RP1: variants seen among roughly 807,000 people sequenced by gnomAD.
RP1 encodes the protein oxygen-regulated protein 1.
In RP1, 16 loss-of-function variants were observed where a neutral mutation model predicts 14.8. The ratio of observed to expected loss-of-function variants is 1.08; its 90% CI spans 0.73 to 1.65. RP1 has a LOEUF of 1.65. RP1 is among the 40% of genes most tolerant of loss of function. The pLI is 0.00. For synonymous variants in RP1, 876 were observed against 883.6 expected (o/e 0.99, Z 0.15); for missense variants, 2,631 against 2,535.0 (o/e 1.04, Z -0.81).
chr8:54,613,149 TG>T (rs774119359), upstream of RP1, among the ~76,000 whole-genome samples: 14 of 152,164 alleles, frequency 9.2e-5, no homozygotes, highest in Non-Finnish European at 1.8e-4. Flanking sequence ...GGAAGGGGAA[TG>T]GGTTTTTACA....
intron 23 of RP1, among the ~76,000 whole-genome samples, chr8:54,783,193 A>T (rs1810231597): frequency 6.6e-6 from 1 of 152,126 alleles, no homozygotes; most frequent in African/African-American, 2.4e-5. Context: ...GGTTATCAGG[A>T]TGCCTGTCAT....
downstream of RP1, among the ~76,000 whole-genome samples, chr8:54,633,264 C>G (rs2129319796): frequency 6.6e-6 from 1 of 152,220 alleles, no homozygotes; most frequent in Non-Finnish European, 1.5e-5. Context: ...TGCCAGCTGT[C>G]AAGAATCATC....
chr8:54,870,356 T>C (rs981058876), exon 29 of RP1: 1 of 155,264 alleles, frequency 6.4e-6, no homozygotes, highest in Admixed American at 6.5e-5. Context: ...CCTAATAACA[T>C]TTGATGCATG....
rs564383333 is a variant in RP1, at chr8:54,819,940, AGATCCGCGGT to A, written c.3616-17507_3616-17498del. Among the ~76,000 whole-genome samples the A allele has an allele frequency of 3.2e-3, 492 of 152,198 alleles. 2 individuals carry two copies. The highest frequency in any genetic ancestry group is 0.011 in the African/African-American group (470 of 41,514). On this transcript the variant is annotated intron_variant, in intron 24 of 28. Transcript: ENST00000637698. ...TTGATATAGTACTGGGTCTCACGCA[AGATCCGCGGT>A]GACTACTGCCCGAGTACCACTGATT...
intron 24 of RP1, among the ~76,000 whole-genome samples, chr8:54,827,697 A>G (rs1051790608): frequency 2.0e-5 from 3 of 152,182 alleles, no homozygotes; most frequent in African/African-American, 7.2e-5. Flanking sequence ...CAGGAGTTCC[A>G]GACCAGCCTG....
chr8:54,637,999 T>G (rs2129321387), intron 3 of RP1, among the ~76,000 whole-genome samples: 1 of 152,268 alleles, frequency 6.6e-6, no homozygotes, highest in South Asian at 2.1e-4. Context: ...CGTGAACTGC[T>G]TCAATCCAGG....
chr8:54,681,148 CTGT>C (rs1371404348), intron 12 of RP1, among the ~76,000 whole-genome samples: 4 of 152,152 alleles, frequency 2.6e-5, no homozygotes, highest in African/African-American at 4.8e-5. Context: ...TCTGCTGCCA[CTGT>C]TGTTATTCTT....
downstream of RP1, among the ~76,000 whole-genome samples, chr8:54,773,030 C>T (rs1809947220): frequency 6.6e-6 from 1 of 152,046 alleles, no homozygotes; most frequent in African/African-American, 2.4e-5. Context: ...TTATTTGGAG[C>T]CCAACTTTTC....
At chr8:54,562,346 G>A (rs150021626) in intron 1 of RP1, among the ~76,000 whole-genome samples, 106 of 152,318 alleles carry the variant, frequency 7.0e-4, no homozygotes, top group African/African-American at 2.3e-3. Context: ...GCCTGAGGCT[G>A]TAATAACATT....
In RP1 at chr8:54,627,849, T is replaced by G; in HGVS notation, c.3967T>G (p.Tyr1323Asp). 6.2e-7 allele frequency: 1 copy of G among 1,614,160 alleles called. No homozygotes were observed. Among genetic ancestry groups the G allele is most frequent in the Non-Finnish European group, 8.5e-7 (1 of 1,179,974 alleles). ...TTGTGCTCAAAAGGAGAACCATACC[T>G]ATGAGGGAGCTTGCCCAATTGATGA... The part of the protein sequence containing the change: ...KACAQKENHT[Y>D]EGACPIDETY... The change falls in exon 4 of 4, where the codon TAT becomes GAT. Residue 1323 changes from tyrosine to aspartate, a missense_variant. Tyr to Asp is a radical substitution (Grantham distance 160, BLOSUM62 -3). Coordinates refer to ENST00000220676, the MANE Select transcript of RP1 (RefSeq NM_006269.2).
At chr8:54,807,668 A>C (rs1265874480) in intron 24 of RP1, among the ~76,000 whole-genome samples, 4 of 54,286 alleles carry the variant, frequency 7.4e-5, no homozygotes, top group African/African-American at 1.7e-4. Flanking sequence ...CTATCTATCT[A>C]TCTATCTATT....
rs1194832640 is a variant in RP1, at chr8:54,622,100, ACT to A, written c.616-14_616-13del. The A allele has an allele frequency of 6.2e-7, 1 of 1,613,822 alleles. No homozygotes were observed. The highest frequency in any genetic ancestry group is 2.2e-5 in the East Asian group (1 of 44,872). On this transcript the variant is annotated splice_polypyrimidine_tract_variant and intron_variant, in intron 2 of 3. Coordinates refer to ENST00000220676, the MANE Select transcript of RP1 (RefSeq NM_006269.2). ...AAAATGTGCTCATCTCAGGATAATG[ACT>A]CTGGTCTCTTTTAGGTTCCCAGCCT...
At chr8:54,566,499 C>T (rs750767362) in intron 1 of RP1, among the ~76,000 whole-genome samples, 7 of 152,120 alleles carry the variant, frequency 4.6e-5, no homozygotes, top group Non-Finnish European at 8.8e-5. Context: ...GGTAAAGCCC[C>T]GCCCCTCCCA....
intron 6 of RP1, among the ~76,000 whole-genome samples, chr8:54,657,524 T>C (rs1406045220): frequency 6.6e-6 from 1 of 152,222 alleles, no homozygotes; most frequent in African/African-American, 2.4e-5. Flanking sequence ...CAAATGATGA[T>C]TTACCCTTGC....
At chr8:54,678,578 TTA>T in intron 9 of RP1, 5 of 1,491,618 alleles carry the variant, frequency 3.4e-6, no homozygotes, top group Non-Finnish European at 4.5e-6. Context: ...CCATTTCATG[TTA>T]GTTCCAAGTT....
At chr8:54,776,136 A>G (rs1379440489) in intron 23 of RP1, among the ~76,000 whole-genome samples, 1 of 152,228 alleles carries the variant, frequency 6.6e-6, no homozygotes, top group Non-Finnish European at 1.5e-5. Flanking sequence ...GAGAAGATTT[A>G]ATGTATATGG....
At chr8:54,665,818 G>C (rs1807003897) in intron 7 of RP1, among the ~76,000 whole-genome samples, 2 of 152,144 alleles carry the variant, frequency 1.3e-5, no homozygotes, top group South Asian at 4.1e-4. Context: ...TCACCGCCTG[G>C]ATGCAAGATA....
Position 54,625,162 on chromosome 8 carries a change from A to C in RP1, c.1280A>C (p.Asn427Thr), listed in dbSNP as rs1331133343. The C allele has an allele frequency of 1.9e-6, 3 of 1,614,174 alleles. No homozygotes were observed. The highest frequency in any genetic ancestry group is 2.5e-6 in the Non-Finnish European group (3 of 1,180,030). ...AETCSSASWE[N>T]ATVDTDIIQG... The stretch of plus-strand genomic sequence containing the variant: ...ACTTGCAGTTCTGCTAGTTGGGAGA[A>C]TGCTACTGTGGACACAGATATCATC... Residue 427 changes from asparagine to threonine, a missense_variant, in exon 4 of 4, where the codon AAT (asparagine) becomes ACT (threonine). By Grantham distance (65) the Asn-to-Thr change is moderately conservative. Coordinates refer to ENST00000220676, the MANE Select transcript of RP1 (RefSeq NM_006269.2).
intron 25 of RP1, among the ~76,000 whole-genome samples, chr8:54,843,661 A>C (rs1474881056): frequency 6.6e-6 from 1 of 152,176 alleles, no homozygotes; most frequent in Non-Finnish European, 1.5e-5. Context: ...TCATTAATTA[A>C]ATCAAAGGGA....
Sources: allele counts gnomAD v4.1 joint callset (sites outside exome capture counted in the v4.1 genomes callset), GRCh38; gene constraint gnomAD v4.1.1; transcripts MANE v1.5; gene names NCBI Gene and HGNC (gene_info 2026-07-23, HGNC 2026-07-21).